Variants in LIMA1 observed in about 807,000 individuals in gnomAD.
LIMA1 encodes the protein LIM domain and actin-binding protein 1.
In LIMA1, 52 loss-of-function variants were observed where a neutral mutation model predicts 62.6. The ratio of observed to expected loss-of-function variants is 0.83; its 90% CI spans 0.67 to 1.05. LIMA1 has a LOEUF of 1.05. Among genes scored for constraint, LIMA1 ranks in the 50% least tolerant of loss-of-function variants. The pLI, the probability that LIMA1 is intolerant of heterozygous loss-of-function variation, is 0.00. For missense variants in LIMA1, 780 were observed against 902.2 expected (o/e 0.86, Z 1.74); for synonymous variants, 302 against 317.8 (o/e 0.95, Z 0.53).
intron 2 of LIMA1, among the ~76,000 whole-genome samples, chr12:50,234,499 A>G (rs1941659882): frequency 6.6e-6 from 1 of 151,972 alleles, no homozygotes; most frequent in Non-Finnish European, 1.5e-5. Context: ...ATGAGCCACC[A>G]TGCCTGGCCC....
At chr12:50,269,224 C>T (rs1942174191) in intron 1 of LIMA1, among the ~76,000 whole-genome samples, 1 of 152,164 alleles carries the variant, frequency 6.6e-6, no homozygotes, top group Non-Finnish European at 1.5e-5. Flanking sequence ...CAGATACTGT[C>T]TTAATTGTTT....
intron 1 of LIMA1, among the ~76,000 whole-genome samples, chr12:50,264,103 G>A (rs886384534): frequency 9.9e-5 from 15 of 151,836 alleles, no homozygotes; most frequent in South Asian, 2.1e-4. Flanking sequence ...TAAGTGACAG[G>A]AGCCAGCCAC....
rs1941483846 is a variant in LIMA1, at chr12:50,223,618, C to T, written c.166-1133G>A. On this transcript the variant is annotated intron_variant, in intron 3 of 10. Transcript: ENST00000341247. ...CAGATGATCAAAGGACACACATTTA[C>T]ATATCTAAGAGAGTTCACTTTCACT... is the stretch of plus-strand genomic sequence containing the variant. Among the ~76,000 whole-genome samples, 7 of 152,112 alleles carry T rather than the reference C, an allele frequency of 4.6e-5. No homozygotes were observed. In the South Asian group the frequency reaches 1.4e-3, roughly 31 times the overall value.
intron 2 of LIMA1, among the ~76,000 whole-genome samples, chr12:50,243,415 T>C (rs952047352): frequency 6.6e-6 from 1 of 152,190 alleles, no homozygotes; most frequent in Non-Finnish European, 1.5e-5. Flanking sequence ...CAGACATTAG[T>C]ATATGCTTTG....
intron 9 of LIMA1, among the ~76,000 whole-genome samples, chr12:50,191,815 CTG>C (rs1394107211): frequency 6.6e-6 from 1 of 151,480 alleles, no homozygotes; most frequent in Non-Finnish European, 1.5e-5. Flanking sequence ...GAGCGAGACT[CTG>C]TCTCAAAACA....
intron 2 of LIMA1, among the ~76,000 whole-genome samples, chr12:50,242,624 G>A (rs1417610224): frequency 6.6e-6 from 1 of 152,186 alleles, no homozygotes; most frequent in Non-Finnish European, 1.5e-5. Flanking sequence ...ATGACCTTCA[G>A]TCATAATTGC....
At chr12:50,271,509 T>C (rs1212964302) in intron 1 of LIMA1, among the ~76,000 whole-genome samples, 1 of 152,116 alleles carries the variant, frequency 6.6e-6, no homozygotes, top group African/African-American at 2.4e-5. Context: ...CGAAGTGAGG[T>C]TTTCTTATTT....
At chr12:50,267,632 G>A (rs1403789018) in intron 1 of LIMA1, among the ~76,000 whole-genome samples, 2 of 151,738 alleles carry the variant, frequency 1.3e-5, no homozygotes, top group African/African-American at 2.4e-5. Context: ...CAATTCTCCT[G>A]CCTCAGCCTC....
chr12:50,240,270 GA>G (rs1012939706), intron 2 of LIMA1, among the ~76,000 whole-genome samples: 42 of 152,134 alleles, frequency 2.8e-4, no homozygotes, highest in African/African-American at 9.9e-4. Context: ...AGCTCACTGA[GA>G]GGGGAAAGGG....
chr12:50,198,100 T>C (rs1940968992), intron 7 of LIMA1, among the ~76,000 whole-genome samples: 1 of 152,220 alleles, frequency 6.6e-6, no homozygotes, highest in African/African-American at 2.4e-5. Context: ...CTAATATTTT[T>C]TTCTGTTCTG....
rs1325993893 is a variant in LIMA1 at position 50,261,053 on chromosome 12, T to A, written c.-23-12279A>T. On this transcript the variant is annotated intron_variant, in intron 1 of 10. Coordinates refer to ENST00000341247, the MANE Select transcript of LIMA1 (RefSeq NM_016357.5). ...CTGCCATCTAGTATATTTTTTTTTT[T>A]TTTTTTTTTTTTTTTTTGAGATGGA... 6.2e-3 allele frequency among the ~76,000 whole-genome samples: 308 copies of A among 49,808 alleles called. 8 individuals carry two copies. The highest frequency in any genetic ancestry group is 0.017 in the African/African-American group (228 of 13,500). 32.7% of individuals were successfully genotyped at this position (49,808 alleles called of 152,430 possible). A position where few individuals can be genotyped will look rare whatever the true frequency, so the allele number is the denominator to read the frequency against.
chr12:50,225,325 A>G (rs1235119397), intron 3 of LIMA1, among the ~76,000 whole-genome samples: 6 of 152,198 alleles, frequency 3.9e-5, no homozygotes, highest in Admixed American at 3.3e-4. Context: ...TGTACCCGAC[A>G]TGAATAGATG....
At chr12:50,246,417 A>C (rs1295075413) in intron 2 of LIMA1, among the ~76,000 whole-genome samples, 1 of 152,046 alleles carries the variant, frequency 6.6e-6, no homozygotes, top group Admixed American at 6.6e-5. Context: ...TCACATCTCA[A>C]CACCGTCTGA....
chr12:50,253,267 G>T (rs183626388), intron 1 of LIMA1, among the ~76,000 whole-genome samples: 6 of 152,278 alleles, frequency 3.9e-5, no homozygotes, highest in South Asian at 2.1e-4. Context: ...TTAGAAATCC[G>T]ACTCTTGGAA....
intron 3 of LIMA1, among the ~76,000 whole-genome samples, chr12:50,228,140 G>C (rs1257422938): frequency 1.1e-4 from 16 of 152,182 alleles, no homozygotes; most frequent in Non-Finnish European, 2.9e-5. Context: ...TTACAGGCTT[G>C]AGCCACCGCG....
At chr12:50,211,913 GGAAA>G (rs1941264373) in intron 4 of LIMA1, among the ~76,000 whole-genome samples, 1 of 152,094 alleles carries the variant, frequency 6.6e-6, no homozygotes, top group African/African-American at 2.4e-5. Flanking sequence ...CTAATGTCAA[GGAAA>G]GAGAATAGAC....
chr12:50,260,930 C>CAA lies in LIMA1; in HGVS notation c.-23-12158_-23-12157dup, dbSNP rs34256869. The stretch of plus-strand genomic sequence containing the variant: ...CTTGGGCAAGTTTAATAACTTGCCC[C>CAA]AAAAAAAAAAAAAAAAAAGGAAGTC... On this transcript the variant is annotated intron_variant, in intron 1 of 10. Transcript: ENST00000341247. Among the ~76,000 whole-genome samples the CAA allele has an allele frequency of 3.9e-4, 30 of 76,166 alleles. No individual in the cohort carries two copies. In the East Asian group the frequency reaches 6.1e-3, roughly 15 times the overall value. 50.0% of individuals were successfully genotyped at this position (76,166 alleles called of 152,430 possible). A position where few individuals can be genotyped will look rare whatever the true frequency, so the allele number is the denominator to read the frequency against.
At chr12:50,249,247 G>T (rs1941894648) in intron 1 of LIMA1, among the ~76,000 whole-genome samples, 1 of 152,182 alleles carries the variant, frequency 6.6e-6, no homozygotes, top group African/African-American at 2.4e-5. Context: ...GCGCAGCGTG[G>T]TGTAATAGGA....
intron 1 of LIMA1, among the ~76,000 whole-genome samples, chr12:50,262,622 G>GTAAAA (rs10539278): frequency 0.037 from 5,341 of 143,406 alleles, 191 homozygotes; most frequent in African/African-American, 0.083. Context: ...AAAAAATAAA[G>GTAAAA]TAAAATAAAA....
Sources: gnomAD v4.1 joint callset for allele counts (sites outside exome capture counted in the v4.1 genomes callset) on GRCh38, gnomAD v4.1.1 for gene constraint, MANE v1.5 for transcripts, NCBI Gene and HGNC (gene_info 2026-07-23, HGNC 2026-07-21) for gene names.